Variants in PALLD observed in about 807,000 individuals in gnomAD.
PALLD encodes the protein palladin, cytoskeletal associated protein.
PALLD carries 61 observed loss-of-function variants against 123.5 expected under a neutral mutation model. The ratio of observed to expected loss-of-function variants is 0.49; its 90% confidence interval spans 0.40 to 0.61. PALLD has a LOEUF of 0.61. Among genes scored for constraint, PALLD ranks in the 20% least tolerant of loss-of-function variants. The pLI is 0.00. For synonymous variants in PALLD, 465 were observed against 496.4 expected (o/e 0.94, Z 0.84); for missense variants, 1,273 against 1,377.0 (o/e 0.92, Z 1.20).
intron 14 of PALLD, among the ~76,000 whole-genome samples, chr4:168,899,130 C>T (rs1188510243): frequency 2.0e-5 from 3 of 152,150 alleles, no homozygotes; most frequent in Non-Finnish European, 2.9e-5. Flanking sequence ...TAAAAACTTC[C>T]AATCTTTAAT....
chr4:168,775,996 A>G (rs1426975135), intron 10 of PALLD, among the ~76,000 whole-genome samples: 4 of 152,162 alleles, frequency 2.6e-5, no homozygotes, highest in African/African-American at 4.8e-5. Flanking sequence ...TCTAAATAGA[A>G]AGTTGTTTTG....
At chr4:168,886,636 C>T (rs1163403236) in intron 10 of PALLD, among the ~76,000 whole-genome samples, 1 of 152,136 alleles carries the variant, frequency 6.6e-6, no homozygotes, top group African/African-American at 2.4e-5. Flanking sequence ...GAGCAAAACC[C>T]AGTCTATAAA....
chr4:168,878,098 C>G, intron 10 of PALLD: 1 of 1,443,056 alleles, frequency 6.9e-7, no homozygotes, highest in South Asian at 1.4e-5. Context: ...TGCCGCCCTT[C>G]GCGCAGCCCT....
chr4:168,873,380 A>G (rs1197654020), intron 10 of PALLD, among the ~76,000 whole-genome samples: 1 of 152,254 alleles, frequency 6.6e-6, no homozygotes, highest in Non-Finnish European at 1.5e-5. Flanking sequence ...TAAAGAAAGC[A>G]TATAAACCAA....
chr4:168,649,229 A>G (rs928092897), intron 2 of PALLD, among the ~76,000 whole-genome samples: 1 of 152,246 alleles, frequency 6.6e-6, no homozygotes, highest in Non-Finnish European at 1.5e-5. Context: ...AGATGAGATA[A>G]TCGCTGGCTG....
At chr4:168,881,517 C>T (rs1160447615) in intron 10 of PALLD, among the ~76,000 whole-genome samples, 4 of 148,248 alleles carry the variant, frequency 2.7e-5, no homozygotes, top group South Asian at 4.4e-4. Flanking sequence ...TTCTGTGAGC[C>T]GGAGAGAGGT....
intron 2 of PALLD, among the ~76,000 whole-genome samples, chr4:168,599,974 CAT>C (rs760458663): frequency 9.9e-5 from 15 of 151,078 alleles, no homozygotes; most frequent in Non-Finnish European, 1.8e-4. Flanking sequence ...TATACACACA[CAT>C]ATATACATAC....
chr4:168,768,540 A>G (rs1374910911), intron 10 of PALLD, among the ~76,000 whole-genome samples: 1 of 152,204 alleles, frequency 6.6e-6, no homozygotes, highest in African/African-American at 2.4e-5. Context: ...ATGCATGACT[A>G]TATGCATATG....
chr4:168,852,990 A>G (rs1398924712), intron 10 of PALLD, among the ~76,000 whole-genome samples: 1 of 152,244 alleles, frequency 6.6e-6, no homozygotes, highest in African/African-American at 2.4e-5. Context: ...TTTACAAAAA[A>G]TGTCAAGTTT....
chr4:168,871,548 CATTTTCT>C (rs1324582162), intron 10 of PALLD, among the ~76,000 whole-genome samples: 1 of 151,996 alleles, frequency 6.6e-6, no homozygotes, highest in East Asian at 1.9e-4. Flanking sequence ...TGAAACCAAA[CATTTTCT>C]ATTAGGAACA....
intron 1 of PALLD, among the ~76,000 whole-genome samples, chr4:168,508,720 G>A (rs1251192249): frequency 1.3e-5 from 2 of 152,076 alleles, no homozygotes; most frequent in African/African-American, 2.4e-5. Flanking sequence ...TACAAGAAAT[G>A]CAATAAATGA....
At chr4:168,677,524 A>G (rs1197246576) in intron 3 of PALLD, among the ~76,000 whole-genome samples, 1 of 152,102 alleles carries the variant, frequency 6.6e-6, no homozygotes, top group Non-Finnish European at 1.5e-5. Context: ...TTTTTTAATG[A>G]TTGAAACATT....
rs748987033 is a variant in PALLD at position 168,668,329 on chromosome 4, A to G, written c.1048A>G (p.Ser350Gly). ...CTACACCTGTTTGGCTACGAATCCCAGCGGCTCAGACACAACATCTGCTGA... is the reference window on the plus strand; with the variant it reads ...CTACACCTGTTTGGCTACGAATCCCGGCGGCTCAGACACAACATCTGCTGA... ...GRYTCLATNP[S>G]GSDTTSAEVF... The change falls in exon 3 of 22, where the codon AGC becomes GGC. Residue 350 changes from serine (S) to glycine (G), a missense_variant. By Grantham distance (56) the Ser-to-Gly change is moderately conservative. Transcript: ENST00000505667. The G allele has an allele frequency of 1.1e-5, 17 of 1,612,642 alleles. No individual in the cohort carries two copies. In the South Asian group the frequency reaches 1.8e-4, roughly 17 times the overall value.
intron 1 of PALLD, among the ~76,000 whole-genome samples, chr4:168,509,602 T>G (rs1762341625): frequency 6.6e-6 from 1 of 152,184 alleles, no homozygotes; most frequent in African/African-American, 2.4e-5. Flanking sequence ...AGAGTGATAT[T>G]TGGGTTAGTA....
chr4:168,881,602 A>C (rs1752618134), intron 10 of PALLD, among the ~76,000 whole-genome samples: 1 of 151,758 alleles, frequency 6.6e-6, no homozygotes, highest in African/African-American at 2.4e-5. Flanking sequence ...ATCTTCCCCA[A>C]ATTTACTGGG....
chr4:168,729,596 C>T (rs1360209447), intron 10 of PALLD, among the ~76,000 whole-genome samples: 2 of 152,182 alleles, frequency 1.3e-5, no homozygotes, highest in African/African-American at 4.8e-5. Context: ...TCCCTAGGAT[C>T]AATGCACAGT....
chr4:168,905,150 T>TG (rs1560895065), intron 15 of PALLD, among the ~76,000 whole-genome samples: 10 of 130,808 alleles, frequency 7.6e-5, no homozygotes, highest in Non-Finnish European at 1.1e-4. Flanking sequence ...TTTTTTTTTT[T>TG]TTTTTTTTTT....
Position 168,732,769 on chromosome 4 carries a change from A to C in PALLD, c.1964+20846A>C, listed in dbSNP as rs1477353178. ...TAAAATATGACTCATCAGAACATTAAAATACTTATGATACAGATTTTTATA... is the reference window on the plus strand; with the variant it reads ...TAAAATATGACTCATCAGAACATTACAATACTTATGATACAGATTTTTATA... On this transcript the variant is annotated intron_variant, in intron 10 of 21. Transcript: ENST00000505667. Among the ~76,000 whole-genome samples, 4 of 152,352 alleles carry C rather than the reference A, an allele frequency of 2.6e-5. No homozygotes were observed. In the East Asian group the frequency reaches 7.7e-4, roughly 29 times the overall value.
intron 10 of PALLD, among the ~76,000 whole-genome samples, chr4:168,732,276 C>T (rs981100971): frequency 8.5e-5 from 13 of 152,214 alleles, no homozygotes; most frequent in Non-Finnish European, 1.6e-4. Flanking sequence ...TTGAAGTTCT[C>T]ATTTCCCCTT....
Sources: allele counts gnomAD v4.1 joint callset (sites outside exome capture counted in the v4.1 genomes callset), GRCh38; gene constraint gnomAD v4.1.1; transcripts MANE v1.5; gene names NCBI Gene and HGNC (gene_info 2026-07-23, HGNC 2026-07-21).